Variants in DMD observed in about 807,000 individuals in gnomAD.
DMD encodes dystrophin, also known as mutant dystrophin.
DMD carries 63 observed loss-of-function variants against 330.1 expected under a neutral mutation model. That is an observed-to-expected ratio of 0.19 (90% CI 0.16 to 0.24). DMD has a LOEUF of 0.24. Ranked by LOEUF, DMD falls within the 10% of genes least tolerant of loss-of-function variation. The pLI, the probability that DMD is intolerant of heterozygous loss-of-function variation, is 1.00. For synonymous variants in DMD, 1,223 were observed against 959.8 expected, an observed-to-expected ratio of 1.27 and a Z score of -5.07; for missense variants, 3,344 against 2,684.1, an observed-to-expected ratio of 1.25 and a Z score of -5.43.
At chrX:31,214,517 C>A (rs754783296) in intron 64 of DMD, among the ~76,000 whole-genome samples, 127 of 111,841 alleles carry the variant, frequency 1.1e-3, no homozygotes, top group Non-Finnish European at 1.8e-3. Flanking sequence ...TTAGCCTAGC[C>A]TACCTTCAAT....
At chrX:31,168,634 A>T (rs1180166803) in intron 74 of DMD, among the ~76,000 whole-genome samples, 1 of 111,807 alleles carries the variant, frequency 8.9e-6, no homozygotes, top group Admixed American at 9.5e-5. Context: ...AGTACTTAAG[A>T]CCCACAAATC....
At chrX:33,247,404 T>G (rs1323404251) in intron 1 of DMD, among the ~76,000 whole-genome samples, 1 of 112,217 alleles carries the variant, frequency 8.9e-6, no homozygotes, top group Non-Finnish European at 1.9e-5. Flanking sequence ...ATATTTTTAA[T>G]TTTTGAGATT....
intron 67 of DMD, among the ~76,000 whole-genome samples, chrX:31,190,897 T>C (rs771822416): frequency 9.0e-6 from 1 of 111,592 alleles, no homozygotes; most frequent in African/African-American, 3.3e-5. Flanking sequence ...AGCCGGCAAC[T>C]ATCCTCTACA....
At chrX:32,085,160 A>C (rs2096421443) in intron 44 of DMD, among the ~76,000 whole-genome samples, 1 of 111,498 alleles carries the variant, frequency 9.0e-6, no homozygotes, top group African/African-American at 3.3e-5. Context: ...TTGGATGGAC[A>C]ACCCTTGTAA....
chrX:31,391,668 C>T (rs1265069955), intron 60 of DMD, among the ~76,000 whole-genome samples: 1 of 109,359 alleles, frequency 9.1e-6, no homozygotes, highest in Admixed American at 9.8e-5. Flanking sequence ...GTCTGGAGTT[C>T]GAGACCAGCA....
At chrX:31,225,424 G>A (rs1350813939) in intron 63 of DMD, among the ~76,000 whole-genome samples, 2 of 112,413 alleles carry the variant, frequency 1.8e-5, no homozygotes. Context: ...AAAATATGAA[G>A]ATTGTTGAAA....
intron 11 of DMD, among the ~76,000 whole-genome samples, chrX:32,619,928 G>A (rs2057868664): frequency 9.0e-6 from 1 of 111,047 alleles, no homozygotes; most frequent in Non-Finnish European, 1.9e-5. Context: ...AGTTTAAGAG[G>A]AACACAATTC....
At chrX:33,248,128 G>A (rs1476607685) in intron 1 of DMD, among the ~76,000 whole-genome samples, 1 of 110,948 alleles carries the variant, frequency 9.0e-6, no homozygotes, top group Non-Finnish European at 1.9e-5. Context: ...TGTAAGCTCC[G>A]CCTCCCGGGT....
chrX:32,628,343 C>T (rs886382361), intron 11 of DMD, among the ~76,000 whole-genome samples: 1 of 79,757 alleles, frequency 1.3e-5, no homozygotes, highest in Non-Finnish European at 2.3e-5. Flanking sequence ...TTTTCTGTGC[C>T]GGGCTTATTT....
At chrX:32,456,985 G>T (rs1455706551) in intron 25 of DMD, among the ~76,000 whole-genome samples, 2 of 102,209 alleles carry the variant, frequency 2.0e-5, no homozygotes, top group Non-Finnish European at 4.0e-5. Context: ...AAAACTTACA[G>T]CAGGAACAAC....
At chrX:33,330,156 A>T (rs2054149510) in intron 1 of DMD, among the ~76,000 whole-genome samples, 1 of 110,845 alleles carries the variant, frequency 9.0e-6, no homozygotes, top group South Asian at 3.8e-4. Context: ...TCGATAATTA[A>T]ATTCTTTAGA....
intron 16 of DMD, among the ~76,000 whole-genome samples, chrX:32,552,073 A>T (rs761040439): frequency 2.7e-5 from 3 of 112,071 alleles, no homozygotes; most frequent in Non-Finnish European, 5.6e-5. Context: ...ATTCAATGCT[A>T]TTCCCAAAAA....
At position 32,833,916 on chromosome X, in the gene DMD, G is replaced by C. The variant is rs559000322; in HGVS notation, c.265-10529C>G. Among the ~76,000 whole-genome samples, 50 of 110,359 alleles carry C rather than the reference G, an allele frequency of 4.5e-4. 1 individual carries two copies. The highest frequency in any genetic ancestry group is 1.4e-3 in the African/African-American group (43 of 30,546). Reference sequence around the variant, plus strand: ...CCCTTAAAGCAAGAGGTATACTAAGGGGGATGGGAAGAATAAACAACTCAC... The same window carrying C: ...CCCTTAAAGCAAGAGGTATACTAAGCGGGATGGGAAGAATAAACAACTCAC... On this transcript the variant is annotated intron_variant, in intron 4 of 78. Transcript: ENST00000357033.
At chrX:31,491,148 GACAA>G (rs746617155) in intron 57 of DMD, among the ~76,000 whole-genome samples, 57 of 111,977 alleles carry the variant, frequency 5.1e-4, no homozygotes, top group South Asian at 1.9e-3. Context: ...AAAACCTAGT[GACAA>G]ACAATTTCAT....
chrX:31,943,056 A>G (rs1428520304), intron 45 of DMD, among the ~76,000 whole-genome samples: 1 of 112,396 alleles, frequency 8.9e-6, no homozygotes, highest in African/African-American at 3.2e-5. Context: ...GTTTTTGTAA[A>G]TAAAGTTTTA....
intron 7 of DMD, among the ~76,000 whole-genome samples, chrX:32,806,000 C>T (rs768061274): frequency 1.5e-4 from 17 of 111,818 alleles, no homozygotes; most frequent in African/African-American, 4.9e-4. Flanking sequence ...TAAACACCAT[C>T]GACACCATGA....
chrX:32,033,641 G>A (rs2095908714), intron 44 of DMD, among the ~76,000 whole-genome samples: 1 of 58,643 alleles, frequency 1.7e-5, no homozygotes, highest in African/African-American at 1.2e-4. Context: ...AAGAAAGAAA[G>A]AAAGAAAGAA....
In DMD at chrX:32,756,775, T is replaced by C. The variant is rs146867785; in HGVS notation, c.649+52718A>G. Among the ~76,000 whole-genome samples, 471 of 111,867 alleles carry C rather than the reference T, an allele frequency of 4.2e-3. 5 individuals are homozygous for C. The highest frequency in any genetic ancestry group is 0.028 in the Admixed American group (294 of 10,494). ...TAAGAGGATGTTCTTATGGATACAA[T>C]CAAGTATATATCAAACCATATGCTG... On this transcript the variant is annotated intron_variant, in intron 7 of 78. Coordinates refer to ENST00000357033, the MANE Select transcript of DMD (RefSeq NM_004006.3).
chrX:31,385,457 A>T (rs1435027604), intron 60 of DMD, among the ~76,000 whole-genome samples: 2 of 111,933 alleles, frequency 1.8e-5, no homozygotes, highest in African/African-American at 3.2e-5. Context: ...CATCCTGTTC[A>T]CAAACATGGA....
Sources: gnomAD v4.1 joint callset for allele counts (sites outside exome capture counted in the v4.1 genomes callset) on GRCh38, gnomAD v4.1.1 for gene constraint, MANE v1.5 for transcripts, NCBI Gene and HGNC (gene_info 2026-07-23, HGNC 2026-07-21) for gene names.